Variants in PIEZO2 observed in about 807,000 individuals in gnomAD.
PIEZO2 encodes piezo-type mechanosensitive ion channel component 2.
In PIEZO2, 172 loss-of-function variants were observed where a neutral mutation model predicts 337.3. That is an observed-to-expected ratio of 0.51 (90% CI 0.45 to 0.58). PIEZO2 has a LOEUF of 0.58. Ranked by LOEUF, PIEZO2 falls within the 20% of genes least tolerant of loss-of-function variation. The pLI, the probability that PIEZO2 is intolerant of heterozygous loss-of-function variation, is 0.00. For synonymous variants in PIEZO2, 1,251 were observed against 1,228.5 expected, an observed-to-expected ratio of 1.02 and a Z score of -0.38; for missense variants, 3,028 against 3,391.3, an observed-to-expected ratio of 0.89 and a Z score of 2.66.
chr18:10,687,857 C>T (rs1473934532), intron 49 of PIEZO2, among the ~76,000 whole-genome samples: 1 of 152,170 alleles, frequency 6.6e-6, no homozygotes, highest in Admixed American at 6.5e-5. Context: ...CGAATAACAC[C>T]CAGTTGGGCC....
rs1258806012 is a variant in PIEZO2, at chr18:10,952,251, A to C, written c.286+27284T>G. Among the ~76,000 whole-genome samples, 1 of 152,202 alleles carries C rather than the reference A, an allele frequency of 6.6e-6. No individual in the cohort carries two copies. Among genetic ancestry groups the C allele is most frequent in the Non-Finnish European group, 1.5e-5 (1 of 68,044 alleles). On this transcript the variant is annotated intron_variant, in intron 3 of 55. Transcript: ENST00000674853. This position sits in a 1 kb window ranked among gnomAD's most constrained non-coding sequence, Gnocchi z 4.1. ...TTTTTCTTATTAGATTATAAGTTACACAGAGTAAAATTTTTGCATGTATAA... is the reference window on the plus strand; with the variant it reads ...TTTTTCTTATTAGATTATAAGTTACCCAGAGTAAAATTTTTGCATGTATAA...
At chr18:11,087,359 C>T (rs1305948686) in intron 1 of PIEZO2, among the ~76,000 whole-genome samples, 5 of 152,208 alleles carry the variant, frequency 3.3e-5, no homozygotes, top group Non-Finnish European at 7.3e-5. Flanking sequence ...TATGCTAGCC[C>T]AGGGCCAGTC....
At chr18:11,135,237 A>G (rs2040448728) in intron 1 of PIEZO2, among the ~76,000 whole-genome samples, 1 of 152,148 alleles carries the variant, frequency 6.6e-6, no homozygotes, top group Non-Finnish European at 1.5e-5. Context: ...GATATGGACC[A>G]ACAAAAACTC....
chr18:10,976,909 CCCTTCTT>C (rs1467598979), intron 3 of PIEZO2, among the ~76,000 whole-genome samples: 1 of 152,046 alleles, frequency 6.6e-6, no homozygotes. Flanking sequence ...CTTCACCACT[CCCTTCTT>C]CATGGTACTA....
In PIEZO2 at chr18:11,108,387, G is replaced by A. The variant is rs559672195; in HGVS notation, c.64+40138C>T. ...TCCCAGCACTTTGGGAGGCCGAGGC[G>A]GGCAGATCACGAGGTCAGGAGATCG... On this transcript the variant is annotated intron_variant, in intron 1 of 55. Coordinates refer to ENST00000674853, the MANE Select transcript of PIEZO2 (RefSeq NM_001378183.1). Among the ~76,000 whole-genome samples, 10 of 151,932 alleles carry A rather than the reference G, an allele frequency of 6.6e-5. No homozygotes were observed. In the East Asian group the frequency reaches 7.7e-4, roughly 12 times the overall value.
At chr18:10,919,556 C>T (rs1343345676) in intron 3 of PIEZO2, among the ~76,000 whole-genome samples, 3 of 152,138 alleles carry the variant, frequency 2.0e-5, no homozygotes, top group Middle Eastern at 3.2e-3. Context: ...GCCACACCTA[C>T]TCACTCTTTG....
chr18:10,696,616 A>G (rs986123493), intron 45 of PIEZO2, 77 bp from the exon 46 acceptor site: 11 of 1,500,978 alleles, frequency 7.3e-6, no homozygotes, highest in African/African-American at 1.4e-5. Context: ...AGACACTGCC[A>G]TCATGCCACT....
intron 1 of PIEZO2, among the ~76,000 whole-genome samples, chr18:11,140,454 C>A (rs1364168582): frequency 6.6e-6 from 1 of 152,334 alleles, no homozygotes; most frequent in African/African-American, 2.4e-5. Flanking sequence ...CATCATTATT[C>A]CACACCCTAA....
At chr18:10,816,480 T>C (rs898652096) in intron 7 of PIEZO2, among the ~76,000 whole-genome samples, 8 of 152,182 alleles carry the variant, frequency 5.3e-5, no homozygotes, top group Non-Finnish European at 1.2e-4. Flanking sequence ...ATCAGGAATG[T>C]TTGACTGAAT....
At chr18:10,782,351 T>TTA (rs1555645585) in intron 17 of PIEZO2, among the ~76,000 whole-genome samples, 2 of 58,614 alleles carry the variant, frequency 3.4e-5, no homozygotes, top group East Asian at 5.6e-4. Context: ...TTATAATATA[T>TTA]TATAATTATA....
chr18:10,913,777 C>G (rs1182737394), intron 3 of PIEZO2, among the ~76,000 whole-genome samples: 1 of 152,038 alleles, frequency 6.6e-6, no homozygotes, highest in African/African-American at 2.4e-5. Flanking sequence ...GGCCACTCAA[C>G]CAGGCACAAC....
intron 3 of PIEZO2, among the ~76,000 whole-genome samples, chr18:10,932,468 G>T (rs145510293): frequency 6.6e-6 from 1 of 152,092 alleles, no homozygotes; most frequent in African/African-American, 2.4e-5. Flanking sequence ...AATATGTATC[G>T]AGTAGCTCCC....
Position 10,696,492 on chromosome 18 carries a change from A to G in PIEZO2, c.6875T>C (p.Ile2292Thr). The change falls in exon 46 of 56, where the codon ATC becomes ACC. Residue 2292 changes from isoleucine to threonine, a missense_variant. By Grantham distance (89) the Ile-to-Thr change is moderately conservative. This residue lies in a region of PIEZO2 where 1,925 missense variants were observed against 2,051.9 expected (regional missense o/e 0.94). Transcript: ENST00000674853. Reference protein sequence around the residue: ...VPIKQFFYNLIHPEYSAVTDV... With the variant: ...VPIKQFFYNLTHPEYSAVTDV... ...AGTCACGGCGCTATACTCCGGGTGGATGAGGTTGTAAAAGAACTGTTTGAT... is the reference window on the plus strand; with the variant it reads ...AGTCACGGCGCTATACTCCGGGTGGGTGAGGTTGTAAAAGAACTGTTTGAT... The G allele has an allele frequency of 6.2e-7, 1 of 1,614,048 alleles. No individual in the cohort carries two copies. The highest frequency in any genetic ancestry group is 8.5e-7 in the Non-Finnish European group (1 of 1,180,028).
intron 2 of PIEZO2, among the ~76,000 whole-genome samples, chr18:10,984,147 G>T (rs1294666863): frequency 4.0e-5 from 6 of 151,254 alleles, no homozygotes; most frequent in African/African-American, 9.7e-5. Context: ...TCAAGAGAAT[G>T]AATAATCAAA....
chr18:10,680,397 T>TGG (rs771935968), intron 51 of PIEZO2, 26 bp from the exon 52 acceptor site: 4 of 1,596,494 alleles, frequency 2.5e-6, no homozygotes, highest in East Asian at 4.5e-5. Flanking sequence ...TGCACATGCA[T>TGG]AAATAGATTA....
In PIEZO2 at chr18:11,069,641, C is replaced by A. The variant is rs545394185; in HGVS notation, c.65-3419G>T. Among the ~76,000 whole-genome samples the A allele has an allele frequency of 1.3e-5, 2 of 152,304 alleles. No homozygotes were observed. Among genetic ancestry groups the A allele is most frequent in the South Asian group, 4.2e-4 (2 of 4,816 alleles). On this transcript the variant is annotated intron_variant, in intron 1 of 55. Transcript: ENST00000674853. The surrounding 1 kb of genome is among the most constrained non-coding windows in gnomAD (Gnocchi z 4.9). ...AAGACAAGGATGCCTACTCTTGACA[C>A]TTCCATTCAATGTGGTACGGGAAGT...
intron 1 of PIEZO2, among the ~76,000 whole-genome samples, chr18:11,118,782 C>T (rs142214466): frequency 2.0e-5 from 3 of 151,630 alleles, no homozygotes; most frequent in East Asian, 1.9e-4. Context: ...AGAGAGAGAG[C>T]GACGTAAACC....
chr18:10,991,332 C>T (rs1285540275), intron 2 of PIEZO2, among the ~76,000 whole-genome samples: 1 of 151,868 alleles, frequency 6.6e-6, no homozygotes, highest in Non-Finnish European at 1.5e-5. Flanking sequence ...CTGCATCCAT[C>T]AACCTGTCAC....
In PIEZO2 at chr18:11,131,081, G is replaced by A. The variant is rs1260840450; in HGVS notation, c.64+17444C>T. ...TTGGAGCAAGGCCCTGCCACCTTCT[G>A]CAGATAACTACTCTCCTTTTGAGAG... On this transcript the variant is annotated intron_variant, in intron 1 of 55. Transcript: ENST00000674853. The surrounding 1 kb of genome is among the most constrained non-coding windows in gnomAD (Gnocchi z 5.3). 6.6e-6 allele frequency among the ~76,000 whole-genome samples: 1 copy of A among 152,180 alleles called. No homozygotes were observed. Among genetic ancestry groups the A allele is most frequent in the Non-Finnish European group, 1.5e-5 (1 of 68,028 alleles).
Sources: gnomAD v4.1 joint callset for allele counts (sites outside exome capture counted in the v4.1 genomes callset) on GRCh38, gnomAD v4.1.1 for gene constraint, gnomAD v4.1.1 regional missense constraint, Gnocchi (gnomAD v3.1) non-coding constraint, MANE v1.5 for transcripts, NCBI Gene and HGNC (gene_info 2026-07-23, HGNC 2026-07-21) for gene names.